Variants in SV2C observed in about 807,000 individuals in gnomAD.
The protein encoded by SV2C is solute carrier family 22 member B3.
SV2C carries 49 observed loss-of-function variants against 79.7 expected under a neutral mutation model. The observed-to-expected ratio is 0.61, with a 90% CI of 0.49 to 0.78. SV2C has a LOEUF of 0.78. Ranked by LOEUF, SV2C falls within the 30% of genes least tolerant of loss-of-function variation. SV2C has a pLI of 0.00. For synonymous variants in SV2C, 334 were observed against 333.2 expected, an observed-to-expected ratio of 1.00 and a Z score of -0.03; for missense variants, 833 against 912.9, an observed-to-expected ratio of 0.91 and a Z score of 1.13.
At chr5:76,010,842 TAGAA>T in the SV2C span, among the ~76,000 whole-genome samples, 3,765 of 152,264 alleles carry the variant, frequency 0.025, 59 homozygotes, top group Non-Finnish European at 0.037. Context: ...AAACTAAACT[TAGAA>T]AGAAGAAGAG....
chr5:75,913,221 A>G, the SV2C span, among the ~76,000 whole-genome samples: 1 of 152,226 alleles, frequency 6.6e-6, no homozygotes, highest in Non-Finnish European at 1.5e-5. Context: ...AGCAGGGTTA[A>G]AGTGGGTTTG....
At chr5:75,968,791 T>C in the SV2C span, among the ~76,000 whole-genome samples, 1 of 152,118 alleles carries the variant, frequency 6.6e-6, no homozygotes, top group East Asian at 1.9e-4. Flanking sequence ...CCTATCAAAG[T>C]AGGCCAACAT....
the SV2C span, among the ~76,000 whole-genome samples, chr5:75,964,829 G>A: frequency 6.6e-6 from 1 of 152,070 alleles, no homozygotes; most frequent in Non-Finnish European, 1.5e-5. Flanking sequence ...GGTACGGAAG[G>A]ATATTAAGAA....
At chr5:75,858,920 G>A in the SV2C span, among the ~76,000 whole-genome samples, 1 of 151,874 alleles carries the variant, frequency 6.6e-6, no homozygotes, top group African/African-American at 2.4e-5. Context: ...TTGAATTTCT[G>A]TGGTATCACT....
In SV2C at chr5:76,131,891, T is replaced by C; in HGVS notation, c.141T>C (p.Ser47=). The C allele has an allele frequency of 6.2e-7, 1 of 1,613,916 alleles. No homozygotes were observed. The highest frequency in any genetic ancestry group is 8.5e-7 in the Non-Finnish European group (1 of 1,179,978). ...ATGAATACACCCAGAGGTCCTACAG[T>C]CGGTTCCAAGATGAAGAAGATGATG... The part of the protein sequence containing the change: ...AQDEYTQRSY[S]RFQDEEDDDD... Residue 47 remains serine (S), a synonymous_variant, in exon 2 of 13, where the codon AGT becomes AGC. Transcript: ENST00000502798.
In SV2C at chr5:76,131,925, T is replaced by C; in HGVS notation, c.175T>C (p.Tyr59His). The C allele has an allele frequency of 1.2e-6, 2 of 1,613,844 alleles. No homozygotes were observed. Among genetic ancestry groups the C allele is most frequent in the Non-Finnish European group, 1.7e-6 (2 of 1,179,886 alleles). Residue 59 changes from tyrosine (Y) to histidine (H), a missense_variant, in exon 2 of 13, where the codon TAC becomes CAC. By Grantham distance (83) the Tyr-to-His change is moderately conservative. Transcript: ENST00000502798. ...FQDEEDDDDY[Y>H]PAGETYNGEA... is the part of the protein sequence containing the mutation. ...AGATGAAGAAGATGATGATGACTAC[T>C]ACCCGGCTGGAGAAACCTATAATGG...
At chr5:76,056,945 G>A in the SV2C span, among the ~76,000 whole-genome samples, 2 of 151,888 alleles carry the variant, frequency 1.3e-5, no homozygotes, top group Non-Finnish European at 2.9e-5. Flanking sequence ...TAAAAAAACA[G>A]TTCCTGGATT....
chr5:76,130,161 AAAAAAAAAAAAAAAAAAAAG>A (rs1162385082), intron 1 of SV2C, among the ~76,000 whole-genome samples: 2 of 73,666 alleles, frequency 2.7e-5, no homozygotes, highest in Non-Finnish European at 4.7e-5. Context: ...AAAAAAAAAA[AAAAAAAAAAAAAAAAAAAAG>A]AGCTGGGGGA....
the SV2C span, among the ~76,000 whole-genome samples, chr5:76,043,860 T>A: frequency 6.6e-6 from 1 of 152,204 alleles, no homozygotes; most frequent in Non-Finnish European, 1.5e-5. Context: ...CAGTGCTCCC[T>A]CCTGACTTTT....
chr5:76,195,167 C>G lies in SV2C; in HGVS notation c.761+68C>G, dbSNP rs1744235846. 3.3e-6 allele frequency: 5 copies of G among 1,517,392 alleles called. No individual in the cohort carries two copies. The South Asian group carries it at 6.3e-5, about 19-fold the overall frequency. The allele number at this position is 1,517,392 out of a possible 1,614,324, so 94.0% of individuals were successfully genotyped here. A position where few individuals can be genotyped will look rare whatever the true frequency, so the allele number is the denominator to read the frequency against. ...TTCATAATTCTCCACTCTAGAGAAC[C>G]TTATTGGGAGGAAATTATCCCTTCA... On this transcript the variant is annotated intron_variant, in intron 3 of 12. Coordinates refer to ENST00000502798, the MANE Select transcript of SV2C (RefSeq NM_014979.4).
intron 4 of SV2C, among the ~76,000 whole-genome samples, chr5:76,243,600 C>G (rs934990723): frequency 2.6e-5 from 4 of 152,110 alleles, no homozygotes; most frequent in African/African-American, 9.7e-5. Flanking sequence ...CTTGGATGCT[C>G]AATAAGTCAC....
chr5:76,249,906 TG>T (rs1338211014), intron 4 of SV2C, among the ~76,000 whole-genome samples: 1 of 152,200 alleles, frequency 6.6e-6, no homozygotes, highest in East Asian at 1.9e-4. Flanking sequence ...CTCAATTTTG[TG>T]CCACAATCCT....
chr5:76,049,019 GAA>G, the SV2C span, among the ~76,000 whole-genome samples: 1,223 of 89,280 alleles, frequency 0.014, 53 homozygotes, highest in Middle Eastern at 0.026. Context: ...AAGAAAGAAA[GAA>G]AGAAAAAGAA....
At position 76,285,221 on chromosome 5, in the gene SV2C, G is replaced by C; in HGVS notation, c.973G>C (p.Val325Leu). The C allele has an allele frequency of 6.2e-7, 1 of 1,614,188 alleles. No individual in the cohort carries two copies. Among genetic ancestry groups the C allele is most frequent in the Non-Finnish European group, 8.5e-7 (1 of 1,180,032 alleles). ...TCACAGTTGGCGTGTGTTTGTCATCGTCTGTGCACTCCCCTGTGTCTCCTC... is the reference window on the plus strand; with the variant it reads ...TCACAGTTGGCGTGTGTTTGTCATCCTCTGTGCACTCCCCTGTGTCTCCTC... ...QFHSWRVFVIVCALPCVSSVV... is the reference protein window; with the variant it reads ...QFHSWRVFVILCALPCVSSVV... The change falls in exon 5 of 13, where the codon GTC (valine) becomes CTC (leucine). Residue 325 changes from valine to leucine, a missense_variant. Physicochemically the swap from Val to Leu is conservative, Grantham distance 32. Transcript: ENST00000502798.
At chr5:76,159,846 A>G (rs571277333) in intron 2 of SV2C, among the ~76,000 whole-genome samples, 2 of 152,084 alleles carry the variant, frequency 1.3e-5, no homozygotes, top group Admixed American at 6.6e-5. Flanking sequence ...TATCTTTTTG[A>G]TGGGGGATAC....
the SV2C span, among the ~76,000 whole-genome samples, chr5:75,878,328 G>A: frequency 5.3e-5 from 8 of 152,146 alleles, no homozygotes; most frequent in Non-Finnish European, 1.0e-4. Flanking sequence ...CCATTTTGCA[G>A]TTGAGGAAGT....
chr5:76,174,730 G>C (rs182635185), intron 2 of SV2C, among the ~76,000 whole-genome samples: 121 of 152,298 alleles, frequency 7.9e-4, no homozygotes, highest in African/African-American at 2.9e-3. Context: ...ATAGTTCGTG[G>C]ACCCCTGCTA....
intron 2 of SV2C, chr5:76,173,910 C>A (rs756780447): frequency 6.3e-7 from 1 of 1,591,820 alleles, no homozygotes; most frequent in Non-Finnish European, 8.6e-7. Flanking sequence ...TCTTGTAAAT[C>A]GTTAAATGTG....
intron 12 of SV2C, among the ~76,000 whole-genome samples, chr5:76,311,954 G>A (rs1748457737): frequency 6.6e-6 from 1 of 152,160 alleles, no homozygotes; most frequent in African/African-American, 2.4e-5. Flanking sequence ...GGAAAAATAA[G>A]TCAATTTTCC....
Sources: allele counts gnomAD v4.1 joint callset (sites outside exome capture counted in the v4.1 genomes callset), GRCh38; gene constraint gnomAD v4.1.1; transcripts MANE v1.5; gene names NCBI Gene and HGNC (gene_info 2026-07-23, HGNC 2026-07-21).